Variants in DGKB observed in about 807,000 individuals in gnomAD.
The protein encoded by DGKB is diacylglycerol kinase beta.
Under a neutral mutation model 114.3 loss-of-function variants are expected in DGKB, and 67 were observed. The observed-to-expected ratio is 0.59, with a 90% CI of 0.48 to 0.72. The LOEUF (loss-of-function observed/expected upper bound fraction) is 0.72. Among genes scored for constraint, DGKB ranks in the 30% least tolerant of loss-of-function variants. The pLI, the probability that DGKB is intolerant of heterozygous loss-of-function variation, is 0.00. For synonymous variants in DGKB, 398 were observed against 323.1 expected (o/e 1.23, Z -2.49); for missense variants, 907 against 975.2 (o/e 0.93, Z 0.93).
Position 14,149,002 on chromosome 7 carries a change from C to G in DGKB, c.*129G>C, listed in dbSNP as rs1210568406. ...GCTGAATTTTACATTAGCTTAGTAACAAAAACTGTTAAACCACTTCCATGA... is the reference window on the plus strand; with the variant it reads ...GCTGAATTTTACATTAGCTTAGTAAGAAAAACTGTTAAACCACTTCCATGA... On this transcript the variant is annotated 3_prime_UTR_variant, in exon 26 of 26. Coordinates refer to ENST00000402815, the MANE Select transcript of DGKB (RefSeq NM_001350709.2). 1 of 799,158 alleles carries G rather than the reference C, an allele frequency of 1.3e-6. No individual in the cohort carries two copies. Among genetic ancestry groups the G allele is most frequent in the South Asian group, 1.6e-5 (1 of 62,874 alleles). The allele number at this position is 799,158 out of a possible 1,614,324, so 49.5% of individuals were successfully genotyped here. A position where few individuals can be genotyped will look rare whatever the true frequency, so the allele number is the denominator to read the frequency against.
chr7:14,826,969 G>A (rs1197597422), intron 2 of DGKB, among the ~76,000 whole-genome samples: 2 of 152,040 alleles, frequency 1.3e-5, no homozygotes, highest in African/African-American at 4.8e-5. Context: ...GCTCTTAGGG[G>A]TACATCCATG....
chr7:14,460,338 T>C (rs1428838919), intron 21 of DGKB, among the ~76,000 whole-genome samples: 2 of 151,904 alleles, frequency 1.3e-5, no homozygotes, highest in Non-Finnish European at 2.9e-5. Context: ...ATTGGTGTGC[T>C]GTATTCAGGA....
chr7:14,160,824 A>C (rs920639132), intron 25 of DGKB, among the ~76,000 whole-genome samples: 1 of 152,156 alleles, frequency 6.6e-6, no homozygotes, highest in Non-Finnish European at 1.5e-5. Flanking sequence ...AATCCTAAGC[A>C]AAAAGAACAA....
At chr7:14,446,068 T>C (rs1181814494) in intron 21 of DGKB, among the ~76,000 whole-genome samples, 2 of 152,132 alleles carry the variant, frequency 1.3e-5, no homozygotes, top group Non-Finnish European at 2.9e-5. Context: ...CTTTCACACA[T>C]ATCCCAACTA....
intron 20 of DGKB, among the ~76,000 whole-genome samples, chr7:14,519,752 G>T (rs1789437372): frequency 1.3e-5 from 2 of 151,696 alleles, no homozygotes; most frequent in Non-Finnish European, 2.9e-5. Flanking sequence ...TTCTCAGTGG[G>T]CATGTAGTGA....
intron 17 of DGKB, among the ~76,000 whole-genome samples, chr7:14,602,961 T>A (rs764072542): frequency 6.6e-6 from 1 of 152,156 alleles, no homozygotes; most frequent in African/African-American, 2.4e-5. Flanking sequence ...GTTGGTGAGA[T>A]AGATAATAAA....
At chr7:14,289,804 G>A (rs1424968468) in intron 23 of DGKB, among the ~76,000 whole-genome samples, 2 of 149,512 alleles carry the variant, frequency 1.3e-5, no homozygotes, top group African/African-American at 4.9e-5. Flanking sequence ...GGGTAAATGT[G>A]GTTTGAGAAA....
intron 20 of DGKB, among the ~76,000 whole-genome samples, chr7:14,543,271 C>A (rs1793762423): frequency 6.6e-6 from 1 of 151,812 alleles, no homozygotes; most frequent in Admixed American, 6.6e-5. Flanking sequence ...TGGCAAGACC[C>A]CATCTCTACA....
intron 21 of DGKB, among the ~76,000 whole-genome samples, chr7:14,384,147 A>C (rs1819937113): frequency 6.6e-6 from 1 of 152,240 alleles, no homozygotes; most frequent in African/African-American, 2.4e-5. Context: ...AATTTAATTT[A>C]CGTAAGTACA....
intron 20 of DGKB, among the ~76,000 whole-genome samples, chr7:14,479,764 G>A (rs1782716273): frequency 6.6e-6 from 1 of 151,992 alleles, no homozygotes; most frequent in South Asian, 2.1e-4. Flanking sequence ...CCTGAACTGG[G>A]CTATTTATGG....
chr7:14,690,707 A>T (rs1283415496), intron 9 of DGKB, among the ~76,000 whole-genome samples: 1 of 152,256 alleles, frequency 6.6e-6, no homozygotes, highest in Non-Finnish European at 1.5e-5. Context: ...AGCCAAAATT[A>T]CTTAATATCT....
rs1242871409 is a variant in DGKB at position 14,682,549 on chromosome 7, T to G, written c.1035+4A>C. On this transcript the variant is annotated splice_donor_region_variant and intron_variant, in intron 12 of 25. Transcript: ENST00000402815. ...CTGGGATTTGTTTTCCAATTTTTAC[T>G]CACTGTGATCTGACACCAAACACAA... The G allele has an allele frequency of 6.3e-7, 1 of 1,599,582 alleles. No individual in the cohort carries two copies. The highest frequency in any genetic ancestry group is 8.6e-7 in the Non-Finnish European group (1 of 1,167,190).
At position 14,753,922 on chromosome 7, in the gene DGKB, T is replaced by C. The variant is rs1834478666; in HGVS notation, c.168+6A>G. On this transcript the variant is annotated splice_donor_region_variant and intron_variant, in intron 4 of 25. Transcript: ENST00000402815. ...ACAGACTTTAATAGAAAAGAAAATG[T>C]CTTACTTGGTTAAGAATGTCTTGTT... The C allele has an allele frequency of 1.3e-6, 2 of 1,495,472 alleles. No homozygotes were observed. The highest frequency in any genetic ancestry group is 1.8e-6 in the Non-Finnish European group (2 of 1,092,444). 92.6% of individuals were successfully genotyped at this position (1,495,472 alleles called of 1,614,324 possible).
intron 5 of DGKB, among the ~76,000 whole-genome samples, chr7:14,734,247 G>C (rs1340572851): frequency 2.0e-5 from 3 of 151,628 alleles, no homozygotes; most frequent in African/African-American, 7.3e-5. Context: ...CACCATGTTG[G>C]CCAGGCTGGT....
intron 23 of DGKB, among the ~76,000 whole-genome samples, chr7:14,275,277 C>T (rs1798834711): frequency 1.3e-5 from 2 of 151,952 alleles, no homozygotes; most frequent in Admixed American, 6.6e-5. Context: ...CTTTATAGTC[C>T]CAACTCCTAA....
intron 20 of DGKB, among the ~76,000 whole-genome samples, chr7:14,519,393 G>C (rs926996100): frequency 2.0e-5 from 3 of 152,004 alleles, no homozygotes; most frequent in African/African-American, 7.2e-5. Flanking sequence ...ATGCTTGTGA[G>C]GTTCTACCAT....
intron 1 of DGKB, among the ~76,000 whole-genome samples, chr7:14,880,363 TAGA>T (rs1437660379): frequency 6.6e-6 from 1 of 152,008 alleles, no homozygotes; most frequent in African/African-American, 2.4e-5. Context: ...GAGGCTGAGG[TAGA>T]AGAATTGCTT....
intron 21 of DGKB, among the ~76,000 whole-genome samples, chr7:14,464,071 A>T (rs1041372075): frequency 6.6e-6 from 1 of 151,990 alleles, no homozygotes; most frequent in African/African-American, 2.4e-5. Flanking sequence ...ATCTAGAAAA[A>T]GCAATAGAAT....
chr7:14,694,920 T>C (rs1823547168), intron 8 of DGKB, among the ~76,000 whole-genome samples: 1 of 152,186 alleles, frequency 6.6e-6, no homozygotes. Flanking sequence ...CCAAACATAT[T>C]ACCCTTGGTT....
Sources: allele counts gnomAD v4.1 joint callset (sites outside exome capture counted in the v4.1 genomes callset), GRCh38; gene constraint gnomAD v4.1.1; transcripts MANE v1.5; gene names NCBI Gene and HGNC (gene_info 2026-07-23, HGNC 2026-07-21).